The following UGT1A9 variants were observed in gnomAD, a reference collection of about 807,000 sequenced individuals.
The protein encoded by UGT1A9 is UDP glucuronosyltransferase family 1 member A9.
In UGT1A9, 35 loss-of-function variants were observed where a neutral mutation model predicts 45.0. The ratio of observed to expected loss-of-function variants is 0.78; its 90% CI spans 0.59 to 1.03. The LOEUF (loss-of-function observed/expected upper bound fraction) is 1.03, where lower values mean the gene tolerates loss of function less well. UGT1A9 is among the 50% of genes least tolerant of loss of function. The probability of loss-of-function intolerance (pLI) is 0.00; values close to 1 mark genes in which losing one functional copy is unlikely to be tolerated. For missense variants in UGT1A9, 687 were observed against 666.6 expected (o/e 1.03, Z -0.34); for synonymous variants, 278 against 250.6 (o/e 1.11, Z -1.03).
chr2:233,746,942 A>C (rs1693513672), intron 1 of UGT1A9, among the ~76,000 whole-genome samples: 1 of 151,778 alleles, frequency 6.6e-6, no homozygotes, highest in South Asian at 2.1e-4. Context: ...ATTGGATGAG[A>C]AACAAGAGCT....
intron 1 of UGT1A9, among the ~76,000 whole-genome samples, chr2:233,704,000 C>G (rs536799646): frequency 3.3e-5 from 5 of 152,024 alleles, no homozygotes; most frequent in Non-Finnish European, 5.9e-5. Flanking sequence ...AAGCAGTTCT[C>G]CCACCTCAGC....
intron 1 of UGT1A9, among the ~76,000 whole-genome samples, chr2:233,714,879 A>C (rs1355340446): frequency 7.1e-6 from 1 of 141,030 alleles, no homozygotes; most frequent in African/African-American, 2.6e-5. Flanking sequence ...CTATCTTTTA[A>C]ATTTTTCTAT....
intron 1 of UGT1A9, among the ~76,000 whole-genome samples, chr2:233,679,835 T>C (rs758637237): frequency 9.9e-5 from 15 of 152,186 alleles, no homozygotes; most frequent in Non-Finnish European, 1.8e-4. Context: ...CTTTAATTTT[T>C]CTCAAATCAC....
At chr2:233,761,196 T>G (rs761284519) in intron 1 of UGT1A9, 1 of 1,614,142 alleles carries the variant, frequency 6.2e-7, no homozygotes. Context: ...TTCTTTCAGA[T>G]GTATTACTTT....
chr2:233,740,927 G>A (rs1691506566), intron 1 of UGT1A9: 1 of 150,310 alleles, frequency 6.7e-6, no homozygotes, highest in African/African-American at 2.5e-5. Flanking sequence ...TCCACAAAAA[G>A]TTTTTTTTTT....
intron 1 of UGT1A9, chr2:233,747,538 CATTTTCTAAAAGTATGGCAATTT>C (rs1393766304): frequency 6.2e-7 from 1 of 1,604,248 alleles, no homozygotes; most frequent in East Asian, 2.2e-5. Flanking sequence ...TTTCTGAAGA[CATTTTCTAAAAGTATGGCAATTT>C]TGAAAAATTC....
chr2:233,718,302 C>T (rs1386220798), intron 1 of UGT1A9, among the ~76,000 whole-genome samples: 2 of 152,224 alleles, frequency 1.3e-5, no homozygotes, highest in Admixed American at 6.5e-5. Flanking sequence ...CCTGAACACT[C>T]TCTGTTTAGA....
rs770433443 is a variant in UGT1A9 at position 233,767,890 on chromosome 2, G to T, written c.1029G>T (p.Ala343=). The T allele has an allele frequency of 4.3e-6, 7 of 1,614,094 alleles. No individual in the cohort carries two copies. Among genetic ancestry groups the T allele is most frequent in the Non-Finnish European group, 1.7e-6 (2 of 1,180,038 alleles). The change falls in exon 3 of 5, where the codon GCG becomes GCT. Residue 343 remains alanine, a synonymous_variant. Transcript: ENST00000354728. ...RYTGTRPSNL[A]NNTILVKWLP... is the part of the protein sequence containing the mutation. ...CTGGAACCCGACCATCGAATCTTGC[G>T]AACAACACGATACTTGTTAAGTGGC...
chr2:233,763,843 G>A (rs1698410988), intron 1 of UGT1A9, among the ~76,000 whole-genome samples: 1 of 152,204 alleles, frequency 6.6e-6, no homozygotes, highest in Non-Finnish European at 1.5e-5. Context: ...GGGTAAGATA[G>A]CAGTGGTTCA....
At position 233,767,864 on chromosome 2, in the gene UGT1A9, A is replaced by G. The variant is rs748591879; in HGVS notation, c.1003A>G (p.Thr335Ala). 51 of 1,614,144 alleles carry G rather than the reference A, an allele frequency of 3.2e-5. No individual in the cohort carries two copies. Among genetic ancestry groups the G allele is most frequent in the Non-Finnish European group, 3.9e-5 (46 of 1,180,042 alleles). Residue 335 changes from threonine (T) to alanine (A), a missense_variant, in exon 3 of 5, where the codon ACT (threonine) becomes GCT (alanine). Transcript: ENST00000354728. ...CCCCTCCCAGGTCCTGTGGCGGTAC[A>G]CTGGAACCCGACCATCGAATCTTGC... ...KIPQTVLWRYTGTRPSNLANN... is the reference protein window; with the variant it reads ...KIPQTVLWRYAGTRPSNLANN...
At chr2:233,690,786 C>T (rs999720926) in intron 1 of UGT1A9, 1 of 1,139,282 alleles carries the variant, frequency 8.8e-7, no homozygotes, top group Non-Finnish European at 1.1e-6. Context: ...TACACACACA[C>T]ACACACACAC....
chr2:233,742,496 A>G (rs376180640), intron 1 of UGT1A9, among the ~76,000 whole-genome samples: 4 of 151,946 alleles, frequency 2.6e-5, no homozygotes, highest in Admixed American at 1.3e-4. Context: ...CATAGGCATC[A>G]TGGCTATCAT....
intron 1 of UGT1A9, among the ~76,000 whole-genome samples, chr2:233,739,213 A>G (rs1053433139): frequency 6.6e-6 from 1 of 152,254 alleles, no homozygotes; most frequent in Non-Finnish European, 1.5e-5. Context: ...CTGCATGGAT[A>G]GAGTCCTTAT....
chr2:233,754,991 G>C (rs1247616121), intron 1 of UGT1A9: 1 of 1,294,814 alleles, frequency 7.7e-7, no homozygotes, highest in African/African-American at 1.5e-5. Context: ...CGGGGTCACG[G>C]AAGCTGAAGA....
rs936564729 is a variant in UGT1A9, at chr2:233,733,619, C to T, written c.856-33415C>T. ...GTGATGGATTACATTTATTGATTTG[C>T]ATATGTTGAACCAGCCTTGCATCCC... On this transcript the variant is annotated intron_variant, in intron 1 of 4. Coordinates refer to ENST00000354728, the MANE Select transcript of UGT1A9 (RefSeq NM_021027.3). Among the ~76,000 whole-genome samples, 7 of 152,296 alleles carry T rather than the reference C, an allele frequency of 4.6e-5. No homozygotes were observed. In the Middle Eastern group the frequency reaches 0.014, roughly 296 times the overall value.
At position 233,767,727 on chromosome 2, in the gene UGT1A9, T is replaced by C. The variant is rs28946890; in HGVS notation, c.988-122T>C. The C allele has an allele frequency of 9.9e-4, 1,538 of 1,556,204 alleles. 17 individuals are homozygous for C. In the African/African-American group the frequency reaches 0.019, roughly 19 times the overall value. ...CCTCAGAAGCCTTCACAGTTACTGA[T>C]CCTCCCACTCTGTTAAAGACTGTTC... On this transcript the variant is annotated intron_variant, in intron 2 of 4. Coordinates refer to ENST00000354728, the MANE Select transcript of UGT1A9 (RefSeq NM_021027.3).
chr2:233,735,048 A>G lies in UGT1A9; in HGVS notation c.856-31986A>G, dbSNP rs536875851. On this transcript the variant is annotated intron_variant, in intron 1 of 4. Coordinates refer to ENST00000354728, the MANE Select transcript of UGT1A9 (RefSeq NM_021027.3). ...ATTAGGTCTGCTTGGTGCAGAGCTG[A>G]GTTCAGGTCCTGGATATCCTTGTTA... Among the ~76,000 whole-genome samples the G allele has an allele frequency of 3.9e-5, 6 of 152,322 alleles. No individual in the cohort carries two copies. The South Asian group carries it at 1.2e-3, about 32-fold the overall frequency.
At chr2:233,677,389 C>T (rs545851604) in intron 1 of UGT1A9, among the ~76,000 whole-genome samples, 14 of 152,190 alleles carry the variant, frequency 9.2e-5, no homozygotes, top group Non-Finnish European at 1.3e-4. Context: ...GTAGAAAATC[C>T]GCATAGAACT....
intron 1 of UGT1A9, among the ~76,000 whole-genome samples, chr2:233,711,031 G>A (rs1185789408): frequency 6.6e-6 from 1 of 152,142 alleles, no homozygotes; most frequent in African/African-American, 2.4e-5. Context: ...TTTTTCTGGG[G>A]TGACCTCACT....
Sources: gnomAD v4.1 joint callset for allele counts (sites outside exome capture counted in the v4.1 genomes callset) on GRCh38, gnomAD v4.1.1 for gene constraint, MANE v1.5 for transcripts, NCBI Gene and HGNC (gene_info 2026-07-23, HGNC 2026-07-21) for gene names.